Variants in MPDZ observed in about 807,000 individuals in gnomAD.
MPDZ encodes the protein multiple PDZ domain crumbs cell polarity complex component.
Under a neutral mutation model 239.1 loss-of-function variants are expected in MPDZ, and 234 were observed. That is an observed-to-expected ratio of 0.98 (90% CI 0.88 to 1.09). The LOEUF (loss-of-function observed/expected upper bound fraction) is 1.09. MPDZ is among the 50% of genes least tolerant of loss of function. The probability of loss-of-function intolerance (pLI) is 0.00; values close to 1 mark genes in which losing one functional copy is unlikely to be tolerated. For missense variants in MPDZ, 3,175 were observed against 2,510.0 expected, an observed-to-expected ratio of 1.26 and a Z score of -5.66; for synonymous variants, 1,048 against 881.3, an observed-to-expected ratio of 1.19 and a Z score of -3.35.
chr9:13,245,385 C>T (rs922911491), intron 3 of MPDZ, among the ~76,000 whole-genome samples: 1 of 146,522 alleles, frequency 6.8e-6, no homozygotes, highest in African/African-American at 2.5e-5. Context: ...AAATTCTTGG[C>T]ATCTAGGGTT....
At chr9:13,177,771 T>C (rs551442123) in intron 19 of MPDZ, among the ~76,000 whole-genome samples, 2 of 152,126 alleles carry the variant, frequency 1.3e-5, no homozygotes, top group Admixed American at 6.6e-5. Flanking sequence ...GGGAAATTAA[T>C]AGAAACTAAT....
intron 1 of MPDZ, among the ~76,000 whole-genome samples, chr9:13,272,858 G>A (rs1461347007): frequency 6.6e-6 from 1 of 152,104 alleles, no homozygotes; most frequent in African/African-American, 2.4e-5. Flanking sequence ...ACCCAGTAAT[G>A]CCTTAGACAA....
At chr9:13,157,250 C>T (rs758516491) in intron 24 of MPDZ, among the ~76,000 whole-genome samples, 8 of 152,060 alleles carry the variant, frequency 5.3e-5, no homozygotes, top group Admixed American at 6.6e-5. Flanking sequence ...GGGTGGATGT[C>T]CACTGATTAC....
intron 13 of MPDZ, 111 bp from the exon 14 acceptor site, chr9:13,193,424 G>GATGGT: frequency 8.2e-7 from 1 of 1,223,928 alleles, no homozygotes; most frequent in Non-Finnish European, 1.1e-6. Context: ...TTCTCACAAA[G>GATGGT]CTTCAAAAAC....
intron 35 of MPDZ, among the ~76,000 whole-genome samples, chr9:13,124,449 CT>C (rs1944823310): frequency 6.6e-6 from 1 of 152,112 alleles, no homozygotes; most frequent in South Asian, 2.1e-4. Flanking sequence ...AATTTCTCCC[CT>C]CCACCCCCCG....
chr9:13,235,789 G>T (rs1963785972), intron 3 of MPDZ, among the ~76,000 whole-genome samples: 1 of 152,034 alleles, frequency 6.6e-6, no homozygotes, highest in Non-Finnish European at 1.5e-5. Context: ...AAATTCCCTT[G>T]TGCTAAAAAA....
At chr9:13,140,270 G>T in intron 27 of MPDZ, 121 bp from the exon 28 acceptor site, 2 of 806,094 alleles carry the variant, frequency 2.5e-6, no homozygotes, top group Non-Finnish European at 3.7e-6. Flanking sequence ...ACAAATAATG[G>T]AAAGCTCATA....
At chr9:13,152,214 C>A (rs1006343170) in intron 24 of MPDZ, among the ~76,000 whole-genome samples, 4 of 152,122 alleles carry the variant, frequency 2.6e-5, no homozygotes, top group Admixed American at 1.3e-4. Context: ...TGGTCACTAA[C>A]AGTCAAGACA....
intron 1 of MPDZ, among the ~76,000 whole-genome samples, chr9:13,273,228 G>A (rs1056777425): frequency 3.9e-5 from 6 of 152,120 alleles, no homozygotes; most frequent in African/African-American, 1.2e-4. Context: ...TATAGCACCC[G>A]AAATGAACTA....
intron 12 of MPDZ, among the ~76,000 whole-genome samples, chr9:13,201,028 T>C (rs555091369): frequency 5.9e-5 from 9 of 152,094 alleles, no homozygotes; most frequent in Non-Finnish European, 1.3e-4. Flanking sequence ...CCTGCAATTA[T>C]CATATTATAG....
intron 10 of MPDZ, among the ~76,000 whole-genome samples, chr9:13,216,224 G>C (rs528434821): frequency 2.0e-5 from 3 of 151,138 alleles, no homozygotes; most frequent in East Asian, 2.0e-4. Flanking sequence ...ACAGTGCCTT[G>C]AATAGCCATG....
At chr9:13,210,426 T>G (rs1415426202) in intron 10 of MPDZ, among the ~76,000 whole-genome samples, 2 of 151,756 alleles carry the variant, frequency 1.3e-5, no homozygotes, top group African/African-American at 2.4e-5. Context: ...GAGGAAGTTT[T>G]TTTTTTTTTT....
At chr9:13,167,022 G>C (rs1467105829) in intron 22 of MPDZ, among the ~76,000 whole-genome samples, 2 of 152,028 alleles carry the variant, frequency 1.3e-5, no homozygotes, top group African/African-American at 4.8e-5. Flanking sequence ...ACTGGTATCA[G>C]CACACACAGC....
At chr9:13,165,916 A>G (rs1391528363) in intron 22 of MPDZ, among the ~76,000 whole-genome samples, 1 of 152,136 alleles carries the variant, frequency 6.6e-6, no homozygotes, top group Non-Finnish European at 1.5e-5. Context: ...AACTCAAATT[A>G]TCTACCCATG....
intron 32 of MPDZ, among the ~76,000 whole-genome samples, 159 bp downstream of exon 32, chr9:13,133,665 C>A (rs773981051): frequency 2.0e-5 from 3 of 152,128 alleles, no homozygotes; most frequent in Non-Finnish European, 4.4e-5. Context: ...TCTCATTAAG[C>A]AGATAAGTTT....
intron 31 of MPDZ, chr9:13,134,454 G>T (rs1946451320): frequency 6.6e-6 from 1 of 152,096 alleles, no homozygotes; most frequent in Non-Finnish European, 1.5e-5. Context: ...GGAACGTTAG[G>T]AGCAGCCGGA....
chr9:13,159,350 C>T (rs565873210), intron 23 of MPDZ, among the ~76,000 whole-genome samples: 10 of 152,200 alleles, frequency 6.6e-5, no homozygotes, highest in Middle Eastern at 3.4e-3. Context: ...TAAAGAATAA[C>T]GCCTCGAATG....
At chr9:13,229,856 G>C (rs1961847890) in intron 3 of MPDZ, among the ~76,000 whole-genome samples, 1 of 152,080 alleles carries the variant, frequency 6.6e-6, no homozygotes, top group African/African-American at 2.4e-5. Flanking sequence ...GGTAAATAAA[G>C]TTGAAGTGTT....
rs1367171150 is a variant in MPDZ, at chr9:13,123,295, G to A, written c.4811C>T (p.Thr1604Ile). The A allele has an allele frequency of 1.2e-6, 2 of 1,603,878 alleles. No homozygotes were observed. The highest frequency in any genetic ancestry group is 1.3e-5 in the African/African-American group (1 of 74,614). ...AATTGCTGGTGTTGATGATCTGCTT[G>A]TATCTAAAAATAAGTTAAAAATGAA... ...GSPEPESIRN[T>I]SRSSTPAIFA... The change falls in exon 36 of 47, where the codon ACA (threonine) becomes ATA (isoleucine). Residue 1604 changes from threonine (T) to isoleucine (I), a missense_variant. By Grantham distance (89) the Thr-to-Ile change is moderately conservative. Coordinates refer to ENST00000319217, the MANE Select transcript of MPDZ (RefSeq NM_001378778.1).
Sources: allele counts gnomAD v4.1 joint callset (sites outside exome capture counted in the v4.1 genomes callset), GRCh38; gene constraint gnomAD v4.1.1; transcripts MANE v1.5; gene names NCBI Gene and HGNC (gene_info 2026-07-23, HGNC 2026-07-21).